ING1: variants seen among roughly 807,000 people sequenced by gnomAD.
ING1 encodes inhibitor of growth family member 1.
In ING1, 4 loss-of-function variants were observed where a neutral mutation model predicts 23.1. The ratio of observed to expected loss-of-function variants is 0.17; its 90% CI spans 0.09 to 0.40. The LOEUF (loss-of-function observed/expected upper bound fraction) is 0.40, where lower values mean the gene tolerates loss of function less well. Ranked by LOEUF, ING1 falls within the 10% of genes least tolerant of loss-of-function variation. The pLI, the probability that ING1 is intolerant of heterozygous loss-of-function variation, is 1.00. For missense variants in ING1, 256 were observed against 393.8 expected, an observed-to-expected ratio of 0.65 and a Z score of 2.96; for synonymous variants, 179 against 166.4, an observed-to-expected ratio of 1.08 and a Z score of -0.58.
intron 1 of ING1, among the ~76,000 whole-genome samples, 197 bp downstream of exon 1, chr13:110,714,482 C>T (rs1387647766): frequency 6.8e-6 from 1 of 147,672 alleles, no homozygotes; most frequent in Non-Finnish European, 1.5e-5. Context: ...GCCCGGGACA[C>T]GGAGGAGGAA....
At chr13:110,714,641 G>T (rs1259273100) in intron 1 of ING1, among the ~76,000 whole-genome samples, 1 of 152,176 alleles carries the variant, frequency 6.6e-6, no homozygotes, top group African/African-American at 2.4e-5. Flanking sequence ...ATGGAGGGAT[G>T]TGCCGGCGCC....
rs2064174938 is a variant in ING1 at position 110,721,973 on chromosome 13, G to GT, written c.*2042dup. The GT allele has an allele frequency of 6.6e-6, 1 of 152,214 alleles. No individual in the cohort carries two copies. The highest frequency in any genetic ancestry group is 2.4e-5 in the African/African-American group (1 of 41,478). The allele number at this position is 152,214 out of a possible 1,614,324, so 9.4% of individuals were successfully genotyped here. On this transcript the variant is annotated 3_prime_UTR_variant, in exon 2 of 2. Coordinates refer to ENST00000333219, the MANE Select transcript of ING1 (RefSeq NM_198219.3). ...GCTACCTACCACAAAGAAGTAGTGA[G>GT]TGATGACTTTCTAGAATCTAAGTAT...
chr13:110,716,033 G>C (rs1170013035), intron 1 of ING1: 4 of 1,481,280 alleles, frequency 2.7e-6, no homozygotes, highest in Non-Finnish European at 1.8e-6. Flanking sequence ...CTGCGTCCAC[G>C]AGGGGGACCC....
intron 1 of ING1, chr13:110,714,957 G>A: frequency 2.0e-6 from 2 of 982,114 alleles, no homozygotes; most frequent in Non-Finnish European, 2.4e-6. Flanking sequence ...TCTGTGTGCC[G>A]TAGGGAAGGG....
chr13:110,712,790 G>T, upstream of ING1: 1 of 729,980 alleles, frequency 1.4e-6, no homozygotes, highest in South Asian at 1.5e-5. Flanking sequence ...CCTAGGGAAG[G>T]CGCCCCTCGG....
rs369318274 is a variant in ING1, at chr13:110,721,090, G to A, written c.*1158G>A. On this transcript the variant is annotated 3_prime_UTR_variant, in exon 2 of 2. Transcript: ENST00000333219. ...GCGGAACACAGCCGTGCTTATGTGC[G>A]TATGTATTGTCTGACTGCTTTTGCA... 8 of 166,998 alleles carry A rather than the reference G, an allele frequency of 4.8e-5. No individual in the cohort carries two copies. Among genetic ancestry groups the A allele is most frequent in the East Asian group, 3.9e-4 (2 of 5,192 alleles). The allele number at this position is 166,998 out of a possible 1,614,324, so 10.3% of individuals were successfully genotyped here. A position where few individuals can be genotyped will look rare whatever the true frequency, so the allele number is the denominator to read the frequency against.
chr13:110,715,900 C>T (rs752535715), intron 1 of ING1: 7 of 1,585,340 alleles, frequency 4.4e-6, no homozygotes, highest in Admixed American at 1.8e-5. Flanking sequence ...GGCTCGGGGC[C>T]GGGGCTGCAG....
chr13:110,714,818 T>C (rs2064090619), intron 1 of ING1, among the ~76,000 whole-genome samples: 3 of 152,180 alleles, frequency 2.0e-5, no homozygotes, highest in Admixed American at 1.3e-4. Context: ...CGGGTAGTAC[T>C]CCGCTCGGGG....
chr13:110,716,705 A>G (rs2064126730), intron 1 of ING1, among the ~76,000 whole-genome samples: 1 of 152,250 alleles, frequency 6.6e-6, no homozygotes, highest in Non-Finnish European at 1.5e-5. Flanking sequence ...ACCAATTTAA[A>G]TGTTGCTACA....
Position 110,719,867 on chromosome 13 carries a change from G to T in ING1, c.775G>T (p.Glu259Ter). Residue 259 changes from glutamate to a stop codon, truncating the protein, a stop_gained, in exon 2 of 2, where the codon GAG becomes TAG. Transcript: ENST00000333219. LOFTEE classifies it high-confidence loss of function. This position sits in a 1 kb window ranked among gnomAD's most constrained non-coding sequence, Gnocchi z 8.9. Reference sequence around the variant, plus strand: ...GTGGTACTGTCCCAAGTGCCGGGGGGAGAACGAGAAGACCATGGACAAAGC... The same window carrying T: ...GTGGTACTGTCCCAAGTGCCGGGGGTAGAACGAGAAGACCATGGACAAAGC... Reference protein sequence around the residue: ...GKWYCPKCRGENEKTMDKALE... With the variant: ...GKWYCPKCRG 6.2e-7 allele frequency: 1 copy of T among 1,613,382 alleles called. No homozygotes were observed. Among genetic ancestry groups the T allele is most frequent in the Non-Finnish European group, 8.5e-7 (1 of 1,179,850 alleles).
At chr13:110,715,791 G>A in intron 1 of ING1, 1 of 1,590,914 alleles carries the variant, frequency 6.3e-7, no homozygotes, top group South Asian at 1.1e-5. Context: ...CTCCCCATTG[G>A]CTGGAGGCCT....
chr13:110,723,075 G>A lies in ING1; in HGVS notation c.*3143G>A, dbSNP rs988779510. 2 of 152,188 alleles carry A rather than the reference G, an allele frequency of 1.3e-5. No individual in the cohort carries two copies. The highest frequency in any genetic ancestry group is 2.9e-5 in the Non-Finnish European group (2 of 68,032). 9.4% of individuals were successfully genotyped at this position (152,188 alleles called of 1,614,324 possible). A position where few individuals can be genotyped will look rare whatever the true frequency, so the allele number is the denominator to read the frequency against. ...AAAGGGTCCAAAGTGTTTTCGTTAT[G>A]ATATAATACTTTCTATTGTAAACTG... On this transcript the variant is annotated 3_prime_UTR_variant, in exon 2 of 2. Transcript: ENST00000333219.
chr13:110,718,262 A>G (rs2064140699), intron 1 of ING1, among the ~76,000 whole-genome samples: 1 of 152,202 alleles, frequency 6.6e-6, no homozygotes, highest in African/African-American at 2.4e-5. Context: ...GTTAAAAAAT[A>G]ATAATAATAG....
upstream of ING1, chr13:110,713,051 T>G: frequency 1.4e-6 from 2 of 1,467,528 alleles, no homozygotes; most frequent in South Asian, 2.7e-5. Context: ...GCGCCGCCAC[T>G]TCCGCCCGTG....
chr13:110,719,354 A>G lies in ING1; in HGVS notation c.262A>G (p.Lys88Glu). 1 of 1,609,264 alleles carries G rather than the reference A, an allele frequency of 6.2e-7. No homozygotes were observed. Among genetic ancestry groups the G allele is most frequent in the Non-Finnish European group, 8.5e-7 (1 of 1,179,760 alleles). ...LIRSQELGDE[K>E]IQIVSQMVEL... ...CCGCAGCCAGGAGCTGGGCGACGAGAAGATCCAGATCGTGAGCCAGATGGT... is the reference window on the plus strand; with the variant it reads ...CCGCAGCCAGGAGCTGGGCGACGAGGAGATCCAGATCGTGAGCCAGATGGT... Residue 88 changes from lysine to glutamate, a missense_variant, in exon 2 of 2, where the codon AAG becomes GAG. Around this residue, in one of 3 missense-constraint regions of ING1, gnomAD observed 209 missense variants for 273.8 expected, o/e 0.76. Transcript: ENST00000333219. This position sits in a 1 kb window ranked among gnomAD's most constrained non-coding sequence, Gnocchi z 8.9.
At position 110,713,853 on chromosome 13, in the gene ING1, G is replaced by C. The variant is rs2064071839; in HGVS notation, c.-297G>C. On this transcript the variant is annotated 5_prime_UTR_variant, in exon 1 of 2. Coordinates refer to ENST00000333219, the MANE Select transcript of ING1 (RefSeq NM_198219.3). Reference sequence around the variant, plus strand: ...CTCTCCCGCCGGTGTGTGCGCGCTCGTACGCGCGGCCCCCGGCGCCAGCCC... The same window carrying C: ...CTCTCCCGCCGGTGTGTGCGCGCTCCTACGCGCGGCCCCCGGCGCCAGCCC... 1.0e-6 allele frequency: 1 copy of C among 982,464 alleles called. No individual in the cohort carries two copies. 60.9% of individuals were successfully genotyped at this position (982,464 alleles called of 1,614,324 possible).
At position 110,719,179 on chromosome 13, in the gene ING1, G is replaced by C. The variant is rs1281862382; in HGVS notation, c.137-50G>C. The C allele has an allele frequency of 1.9e-6, 3 of 1,583,846 alleles. No homozygotes were observed. Among genetic ancestry groups the C allele is most frequent in the Non-Finnish European group, 2.6e-6 (3 of 1,158,178 alleles). ...CGTAGACCCGTCCGGGGCCGTGTGG[G>C]TTGTCCCGGTGTCCTGCTCGCGAGT... On this transcript the variant is annotated intron_variant, in intron 1 of 1. Transcript: ENST00000333219. This position sits in a 1 kb window ranked among gnomAD's most constrained non-coding sequence, Gnocchi z 8.9.
chr13:110,715,282 C>CA (rs370824976), intron 1 of ING1: 22,288 of 1,140,880 alleles, frequency 0.02, 73 homozygotes, highest in Middle Eastern at 0.034. Context: ...TGGGTGGGGG[C>CA]AAAAAAAAAA....
chr13:110,715,594 C>T, intron 1 of ING1: 1 of 1,613,960 alleles, frequency 6.2e-7, no homozygotes, highest in Non-Finnish European at 8.5e-7. Context: ...GGAGGGTGGA[C>T]GAGTTGATTT....
Sources: allele counts gnomAD v4.1 joint callset (sites outside exome capture counted in the v4.1 genomes callset), GRCh38; gene constraint gnomAD v4.1.1; regional missense constraint gnomAD v4.1.1; non-coding constraint Gnocchi (gnomAD v3.1); transcripts MANE v1.5; gene names NCBI Gene and HGNC (gene_info 2026-07-23, HGNC 2026-07-21).